The following AFAP1 variants were observed in gnomAD, a reference collection of about 807,000 sequenced individuals.
AFAP1 encodes the protein actin filament associated protein 1.
AFAP1 carries 75 observed loss-of-function variants against 93.9 expected under a neutral mutation model. The observed-to-expected ratio is 0.80, with a 90% CI of 0.66 to 0.97. The LOEUF (loss-of-function observed/expected upper bound fraction) is 0.97. Among genes scored for constraint, AFAP1 ranks in the 50% least tolerant of loss-of-function variants. The pLI is 0.00. For synonymous variants in AFAP1, 517 were observed against 430.7 expected (o/e 1.20, Z -2.48); for missense variants, 1,201 against 1,050.8 (o/e 1.14, Z -1.98).
chr4:7,892,780 C>T (rs1056125187), intron 1 of AFAP1, among the ~76,000 whole-genome samples: 6 of 152,078 alleles, frequency 3.9e-5, no homozygotes, highest in African/African-American at 1.4e-4. Flanking sequence ...TTTGAGACTG[C>T]ACCCTGACCT....
intron 4 of AFAP1, among the ~76,000 whole-genome samples, chr4:7,845,169 C>A (rs1425909410): frequency 6.6e-6 from 1 of 152,146 alleles, no homozygotes; most frequent in Non-Finnish European, 1.5e-5. Context: ...CACCTGTAAT[C>A]GCAGCCCTTT....
chr4:7,883,258 T>C (rs535813743), intron 1 of AFAP1, among the ~76,000 whole-genome samples: 13 of 151,550 alleles, frequency 8.6e-5, no homozygotes, highest in African/African-American at 3.1e-4. Context: ...ATTCACCATA[T>C]TATTATCTAA....
intron 17 of AFAP1, among the ~76,000 whole-genome samples, chr4:7,764,408 T>A (rs1162885701): frequency 6.6e-6 from 1 of 150,556 alleles, no homozygotes. Flanking sequence ...AAAAAGGAAG[T>A]AGAATAGTGG....
At chr4:7,924,076 G>C (rs995299323) in intron 1 of AFAP1, among the ~76,000 whole-genome samples, 25 of 152,304 alleles carry the variant, frequency 1.6e-4, no homozygotes, top group African/African-American at 6.0e-4. Flanking sequence ...CAGAAGCAGA[G>C]ATAAATGAAA....
At chr4:7,845,883 T>G (rs76426601) in intron 4 of AFAP1, among the ~76,000 whole-genome samples, 1 of 151,404 alleles carries the variant, frequency 6.6e-6, no homozygotes, top group Non-Finnish European at 1.5e-5. Flanking sequence ...GGCACAGGGG[T>G]GGGGGGGGCA....
In AFAP1 at chr4:7,765,671, G is replaced by A. The variant is rs183836366; in HGVS notation, c.2419-1880C>T. 4.3e-4 allele frequency among the ~76,000 whole-genome samples: 66 copies of A among 152,346 alleles called. No individual in the cohort carries two copies. The East Asian group carries it at 0.01, about 24-fold the overall frequency. ...AAGAGCAGACCCAGGTCAGAGCAGC[G>A]GCAGACACCATGCAGGACAGAGGCC... On this transcript the variant is annotated intron_variant, in intron 17 of 17. Coordinates refer to ENST00000420658, the MANE Select transcript of AFAP1 (RefSeq NM_001134647.2).
chr4:7,779,628 TCA>T (rs1366138959), intron 13 of AFAP1, among the ~76,000 whole-genome samples: 3 of 152,228 alleles, frequency 2.0e-5, no homozygotes, highest in African/African-American at 7.2e-5. Context: ...GTTGCAGGCC[TCA>T]CTTTTTGGGA....
At chr4:7,813,812 T>C (rs35870249) in intron 8 of AFAP1, among the ~76,000 whole-genome samples, 31,802 of 152,174 alleles carry the variant, frequency 0.21, 4,295 homozygotes, top group Non-Finnish European at 0.31. Context: ...AACTCTGTAA[T>C]GTCATAACAG....
chr4:7,863,495 G>C (rs577421734), intron 3 of AFAP1, among the ~76,000 whole-genome samples: 1 of 152,182 alleles, frequency 6.6e-6, no homozygotes, highest in Admixed American at 6.5e-5. Context: ...TTGAATAGAT[G>C]CATATTTTAG....
chr4:7,764,307 C>G (rs1372210808), intron 17 of AFAP1, among the ~76,000 whole-genome samples: 5 of 151,844 alleles, frequency 3.3e-5, no homozygotes, highest in African/African-American at 7.3e-5. Flanking sequence ...GTGGGACACA[C>G]AGACAGGAGG....
chr4:7,882,396 C>CTT, intron 1 of AFAP1, among the ~76,000 whole-genome samples: 1 of 147,660 alleles, frequency 6.8e-6, no homozygotes, highest in African/African-American at 2.5e-5. Flanking sequence ...TAACCAAATT[C>CTT]TTTTTTTTTT....
At chr4:7,834,092 TACACACACACACACAC>T (rs142790415) in intron 6 of AFAP1, among the ~76,000 whole-genome samples, 17 of 126,670 alleles carry the variant, frequency 1.3e-4, no homozygotes, top group East Asian at 6.3e-4. Flanking sequence ...AACTGTGGCA[TACACACACACACACAC>T]ACACACACAC....
chr4:7,893,277 T>C (rs1348350625), intron 1 of AFAP1, among the ~76,000 whole-genome samples: 5 of 152,140 alleles, frequency 3.3e-5, no homozygotes, highest in African/African-American at 1.2e-4. Context: ...ATTACACTTT[T>C]AACGTAAAAA....
intron 15 of AFAP1, 172 bp from the exon 16 acceptor site, chr4:7,773,182 CCTT>C (rs778619668): frequency 2.2e-5 from 22 of 994,954 alleles, no homozygotes; most frequent in Non-Finnish European, 2.8e-5. Context: ...GGATCAGAGT[CCTT>C]CTCCTACCAT....
intron 3 of AFAP1, among the ~76,000 whole-genome samples, chr4:7,863,991 C>G (rs1478958285): frequency 4.5e-4 from 68 of 151,482 alleles, no homozygotes; most frequent in South Asian, 2.1e-3. Flanking sequence ...AACTTCCCAT[C>G]ACAACACCTT....
Position 7,898,717 on chromosome 4 carries a change from C to G in AFAP1, c.-2-26637G>C, listed in dbSNP as rs542169076. On this transcript the variant is annotated intron_variant, in intron 1 of 17. Coordinates refer to ENST00000420658, the MANE Select transcript of AFAP1 (RefSeq NM_001134647.2). ...ACCCATCCTGTCTTTCCCCTGGCAA[C>G]TTAAGGACGCTCTCAACTAAGCACA... Among the ~76,000 whole-genome samples the G allele has an allele frequency of 3.3e-5, 5 of 150,018 alleles. No individual in the cohort carries two copies. The South Asian group carries it at 8.4e-4, about 25-fold the overall frequency.
intron 11 of AFAP1, among the ~76,000 whole-genome samples, chr4:7,786,629 G>A (rs1357144107): frequency 6.7e-6 from 1 of 148,312 alleles, no homozygotes; most frequent in East Asian, 1.9e-4. Flanking sequence ...TCTCACTGTG[G>A]CCCCAACGCT....
rs62289296 is a variant in AFAP1, at chr4:7,843,340, G to A, written c.345C>T (p.Ser115=). 145,061 of 1,611,924 alleles carry A rather than the reference G, an allele frequency of 0.09. 8,514 individuals carry two copies. Among genetic ancestry groups the A allele is most frequent in the East Asian group, 0.23 (10,488 of 44,836 alleles). ...APEYITSNYD[S]DAMSSSYESY... The stretch of plus-strand genomic sequence containing the variant: ...ACTCATAAGAGCTGCTCATCGCATC[G>A]GAATCATAATCTGTAAAAAATAAAC... The change falls in exon 5 of 18, where the codon TCC becomes TCT. Residue 115 remains serine, a synonymous_variant. Coordinates refer to ENST00000420658, the MANE Select transcript of AFAP1 (RefSeq NM_001134647.2).
rs1039878396 is a variant in AFAP1, at chr4:7,763,711, G to T, written c.*54C>A. ...GAGCTTCCTGCCGTCACACAGATGA[G>T]GATACAGGCAAGGGGGTGTGCAGTC... On this transcript the variant is annotated 3_prime_UTR_variant, in exon 18 of 18. Transcript: ENST00000420658. 3 of 1,549,650 alleles carry T rather than the reference G, an allele frequency of 1.9e-6. No individual in the cohort carries two copies. In the East Asian group the frequency reaches 7.3e-5, roughly 38 times the overall value.
Sources: allele counts gnomAD v4.1 joint callset (sites outside exome capture counted in the v4.1 genomes callset), GRCh38; gene constraint gnomAD v4.1.1; transcripts MANE v1.5; gene names NCBI Gene and HGNC (gene_info 2026-07-23, HGNC 2026-07-21).